Variants in DIS3L observed in about 807,000 individuals in gnomAD.
The protein encoded by DIS3L is DIS3-like exonuclease 1.
Under a neutral mutation model 120.3 loss-of-function variants are expected in DIS3L, and 100 were observed. The ratio of observed to expected loss-of-function variants is 0.83; its 90% CI spans 0.71 to 0.98. The LOEUF is 0.98. DIS3L is among the 50% of genes least tolerant of loss of function. DIS3L has a pLI of 0.00. For missense variants in DIS3L, 1,196 were observed against 1,314.2 expected, an observed-to-expected ratio of 0.91 and a Z score of 1.39; for synonymous variants, 426 against 470.6, an observed-to-expected ratio of 0.91 and a Z score of 1.23.
At position 66,329,353 on chromosome 15, in the gene DIS3L, A is replaced by G. The variant is rs754314257; in HGVS notation, c.2489A>G (p.Asn830Ser). 4 of 1,613,270 alleles carry G rather than the reference A, an allele frequency of 2.5e-6. No individual in the cohort carries two copies. The Admixed American group carries it at 6.7e-5, about 27-fold the overall frequency. Residue 830 changes from asparagine (N) to serine (S), a missense_variant, in exon 14 of 17, where the codon AAC becomes AGC. Transcript: ENST00000319212. ...KMEIKGNLFS[N>S]KDLEELCRHI... The stretch of plus-strand genomic sequence containing the variant: ...GAAATTAAGGGAAATCTGTTCAGCA[A>G]CAAAGATCTTGAGGAATTATGCAGA...
intron 2 of DIS3L, among the ~76,000 whole-genome samples, chr15:66,305,967 G>A (rs965561784): frequency 2.6e-5 from 4 of 152,114 alleles, no homozygotes; most frequent in South Asian, 2.1e-4. Context: ...TTATGGCTTC[G>A]GCCAGCATTG....
At chr15:66,314,171 T>C in intron 6 of DIS3L, 54 bp downstream of exon 6, 1 of 1,347,434 alleles carries the variant, frequency 7.4e-7, no homozygotes, top group Non-Finnish European at 9.7e-7. Context: ...TCTGACGTTA[T>C]ACAATGAAGA....
chr15:66,308,394 G>A (rs922891786), intron 3 of DIS3L, among the ~76,000 whole-genome samples: 8 of 152,134 alleles, frequency 5.3e-5, no homozygotes, highest in African/African-American at 9.7e-5. Context: ...TTGTCATCTT[G>A]TGTGCTGCCC....
chr15:66,311,521 C>T (rs145338793), intron 4 of DIS3L, among the ~76,000 whole-genome samples: 2 of 152,222 alleles, frequency 1.3e-5, no homozygotes, highest in African/African-American at 4.8e-5. Flanking sequence ...GGTGGAGTGG[C>T]TTCCTGGGGC....
intron 2 of DIS3L, among the ~76,000 whole-genome samples, chr15:66,301,607 TCTC>T (rs1243900946): frequency 6.6e-6 from 1 of 152,288 alleles, no homozygotes; most frequent in Admixed American, 6.5e-5. Context: ...AAACCATTGT[TCTC>T]CTGTCATTCT....
At chr15:66,308,973 G>A (rs1595729457) in intron 4 of DIS3L, 129 bp downstream of exon 4, 3 of 1,009,884 alleles carry the variant, frequency 3.0e-6, no homozygotes, top group Non-Finnish European at 4.1e-6. Flanking sequence ...GGCCAGGCGT[G>A]GTGGCTCATG....
At chr15:66,296,893 T>G (rs931775517) in intron 2 of DIS3L, among the ~76,000 whole-genome samples, 1 of 152,090 alleles carries the variant, frequency 6.6e-6, no homozygotes, top group Non-Finnish European at 1.5e-5. Flanking sequence ...AACAAGACAG[T>G]TATTATGAAG....
rs1217642123 is a variant in DIS3L, at chr15:66,314,096, G to A, written c.793G>A (p.Gly265Arg). Residue 265 changes from glycine to arginine, a missense_variant, in exon 6 of 17, where the codon GGA (glycine) becomes AGA (arginine). By Grantham distance (125) the Gly-to-Arg change is moderately radical. Transcript: ENST00000319212. ...AQIEAFVRLQ[G>R]ASSKDSDLVS... The stretch of plus-strand genomic sequence containing the variant: ...AATAGAAGCTTTTGTTCGACTTCAA[G>A]GAGCCAGCAGTAAAGATTCAGGTTC... 1 of 1,522,974 alleles carries A rather than the reference G, an allele frequency of 6.6e-7. No homozygotes were observed. Among genetic ancestry groups the A allele is most frequent in the African/African-American group, 1.4e-5 (1 of 70,222 alleles). 94.3% of individuals were successfully genotyped at this position (1,522,974 alleles called of 1,614,324 possible).
At chr15:66,317,449 C>T (rs2092831245) in intron 7 of DIS3L, among the ~76,000 whole-genome samples, 1 of 151,802 alleles carries the variant, frequency 6.6e-6, no homozygotes, top group South Asian at 2.1e-4. Context: ...GTCTTATGAT[C>T]TGTACACTTT....
intron 12 of DIS3L, among the ~76,000 whole-genome samples, chr15:66,327,216 C>T (rs2092948121): frequency 6.6e-6 from 1 of 152,178 alleles, no homozygotes; most frequent in African/African-American, 2.4e-5. Flanking sequence ...GCATGAGCCA[C>T]TGTGTGTGGC....
chr15:66,316,635 G>A (rs1408838067), intron 7 of DIS3L, among the ~76,000 whole-genome samples: 1 of 152,130 alleles, frequency 6.6e-6, no homozygotes, highest in East Asian at 1.9e-4. Flanking sequence ...GGCCAACATG[G>A]TGAAACCCTG....
intron 2 of DIS3L, among the ~76,000 whole-genome samples, chr15:66,302,665 CTTA>C: frequency 6.6e-6 from 1 of 152,282 alleles, no homozygotes; most frequent in Non-Finnish European, 1.5e-5. Context: ...TCCACTCACT[CTTA>C]TTCATCCTTC....
intron 3 of DIS3L, among the ~76,000 whole-genome samples, chr15:66,308,315 A>G (rs747511167): frequency 6.6e-6 from 1 of 152,152 alleles, no homozygotes; most frequent in Non-Finnish European, 1.5e-5. Context: ...ATCTTCAGCT[A>G]CTTGCACCTT....
intron 2 of DIS3L, among the ~76,000 whole-genome samples, chr15:66,300,224 G>A (rs1395331443): frequency 1.3e-5 from 2 of 152,166 alleles, no homozygotes; most frequent in Admixed American, 6.5e-5. Flanking sequence ...ATGGAATGAC[G>A]TACTGATAGA....
chr15:66,294,910 T>G (rs2092568973), intron 1 of DIS3L, 78 bp from the exon 2 acceptor site: 1 of 1,401,020 alleles, frequency 7.1e-7, no homozygotes, highest in Admixed American at 2.3e-5. Flanking sequence ...TTATTTTGCA[T>G]GCCAGAGCAC....
intron 8 of DIS3L, among the ~76,000 whole-genome samples, 162 bp from the exon 9 acceptor site, chr15:66,320,409 G>A (rs1244340835): frequency 1.4e-5 from 2 of 146,984 alleles, no homozygotes; most frequent in South Asian, 2.3e-4. Flanking sequence ...TTAGTAATAG[G>A]AAGAATGAAA....
intron 10 of DIS3L, among the ~76,000 whole-genome samples, chr15:66,323,180 C>T (rs772862088): frequency 1.3e-5 from 2 of 152,170 alleles, no homozygotes; most frequent in Non-Finnish European, 2.9e-5. Flanking sequence ...GTTAAATTTT[C>T]ATGTAGTAAT....
chr15:66,322,794 C>T lies in DIS3L; in HGVS notation c.1434C>T (p.Asp478=). ...AAAGCCATCTCGTATTCAGCATTGA[C>T]CCCAAAGGTTGTGAAGATGTGGATG... ...LRKSHLVFSI[D]PKGCEDVDDT... is the part of the protein sequence containing the mutation. Residue 478 remains aspartate (D), a synonymous_variant, in exon 10 of 17, where the codon GAC becomes GAT. Coordinates refer to ENST00000319212, the MANE Select transcript of DIS3L (RefSeq NM_001143688.3). 6.2e-7 allele frequency: 1 copy of T among 1,614,130 alleles called. No individual in the cohort carries two copies. The highest frequency in any genetic ancestry group is 8.5e-7 in the Non-Finnish European group (1 of 1,180,020).
chr15:66,316,894 G>A (rs75859512), intron 7 of DIS3L, among the ~76,000 whole-genome samples: 12,457 of 152,204 alleles, frequency 0.082, 796 homozygotes, highest in East Asian at 0.34. Context: ...GCTGGTTCCT[G>A]TTTCACTCAG....
Sources: gnomAD v4.1 joint callset for allele counts (sites outside exome capture counted in the v4.1 genomes callset) on GRCh38, gnomAD v4.1.1 for gene constraint, MANE v1.5 for transcripts, NCBI Gene and HGNC (gene_info 2026-07-23, HGNC 2026-07-21) for gene names.